The following PAK3 variants were observed in gnomAD, a reference collection of about 807,000 sequenced individuals.
The protein encoded by PAK3 is p21 (RAC1) activated kinase 3.
PAK3 carries 4 observed loss-of-function variants against 41.0 expected under a neutral mutation model. The ratio of observed to expected loss-of-function variants is 0.10; its 90% CI spans 0.05 to 0.22. PAK3 has a LOEUF of 0.22. Ranked by LOEUF, PAK3 falls within the 10% of genes least tolerant of loss-of-function variation. The pLI, the probability that PAK3 is intolerant of heterozygous loss-of-function variation, is 1.00. For missense variants in PAK3, 205 were observed against 409.9 expected (o/e 0.50, Z 4.32); for synonymous variants, 146 against 139.6 (o/e 1.05, Z -0.32).
chrX:111,125,662 G>A (rs772625848), intron 5 of PAK3, among the ~76,000 whole-genome samples: 31 of 111,554 alleles, frequency 2.8e-4, no homozygotes, highest in African/African-American at 9.1e-4. Flanking sequence ...AATCATATTG[G>A]ACAGAAACAA....
chrX:111,063,080 ATC>A (rs987028436), intron 1 of PAK3, among the ~76,000 whole-genome samples: 4 of 112,316 alleles, frequency 3.6e-5, no homozygotes, highest in African/African-American at 1.3e-4. Context: ...CCTCAAAAGA[ATC>A]TCTGTCTCCC....
At chrX:111,009,651 C>T (rs969660835) in intron 1 of PAK3, among the ~76,000 whole-genome samples, 2 of 112,399 alleles carry the variant, frequency 1.8e-5, no homozygotes, top group Non-Finnish European at 3.8e-5. Context: ...GCAGAATAAC[C>T]TTCATAGGCT....
intron 1 of PAK3, among the ~76,000 whole-genome samples, chrX:110,996,194 A>AGCC (rs1267022987): frequency 8.9e-6 from 1 of 112,427 alleles, no homozygotes; most frequent in Non-Finnish European, 1.9e-5. Context: ...CAAGGTGGAC[A>AGCC]GCCTTTGTTT....
intron 1 of PAK3, among the ~76,000 whole-genome samples, chrX:111,014,800 C>T (rs1456634940): frequency 1.8e-5 from 2 of 111,529 alleles, no homozygotes; most frequent in Non-Finnish European, 3.8e-5. Flanking sequence ...GAAATATTTG[C>T]CGGCTTCCTT....
chrX:110,970,642 T>C (rs927653136), intron 1 of PAK3, among the ~76,000 whole-genome samples: 1 of 111,346 alleles, frequency 9.0e-6, no homozygotes, highest in Non-Finnish European at 1.9e-5. Context: ...AAATACCTAA[T>C]GCATGTGGGG....
In PAK3 at chrX:111,223,306, A is replaced by G. The variant is rs781488343; in HGVS notation, c.*2859A>G. ...GTGAGAAGCACAGTAGAGATTATTT[A>G]TTTAAAAAAGGAAAGAACGTTAATG... On this transcript the variant is annotated 3_prime_UTR_variant, in exon 18 of 18. Coordinates refer to ENST00000372007, the MANE Select transcript of PAK3 (RefSeq NM_002578.5). The G allele has an allele frequency of 2.3e-4, 25 of 110,309 alleles. No homozygotes were observed. The highest frequency in any genetic ancestry group is 7.9e-4 in the African/African-American group (24 of 30,319). 9.1% of individuals were successfully genotyped at this position (110,309 alleles called of 1,213,427 possible).
At chrX:111,049,452 T>C (rs1020323450) in intron 1 of PAK3, among the ~76,000 whole-genome samples, 4 of 112,113 alleles carry the variant, frequency 3.6e-5, no homozygotes, top group Non-Finnish European at 7.5e-5. Flanking sequence ...ACACAATAAA[T>C]ATATATTGAG....
At chrX:110,986,298 T>C (rs1296355490) in intron 1 of PAK3, among the ~76,000 whole-genome samples, 1 of 111,628 alleles carries the variant, frequency 9.0e-6, no homozygotes, top group Non-Finnish European at 1.9e-5. Flanking sequence ...ACCTTAGCTA[T>C]TACAGGGCTG....
At chrX:111,144,808 T>C in intron 6 of PAK3, 1 of 688,728 alleles carries the variant, frequency 1.5e-6, no homozygotes, top group Non-Finnish European at 2.2e-6. Context: ...TGGTATTCAA[T>C]GATTATAAGT....
intron 1 of PAK3, among the ~76,000 whole-genome samples, chrX:111,011,562 A>T (rs1363282893): frequency 8.9e-6 from 1 of 112,483 alleles, no homozygotes; most frequent in African/African-American, 3.2e-5. Context: ...AGTCTTTTAA[A>T]TACTACATAT....
intron 1 of PAK3, among the ~76,000 whole-genome samples, chrX:111,011,975 A>G (rs763230863): frequency 1.8e-5 from 2 of 112,093 alleles, no homozygotes; most frequent in Non-Finnish European, 3.8e-5. Context: ...TAAACTGTAC[A>G]TCTATCGATA....
chrX:110,960,126 CT>C (rs1301064605), intron 1 of PAK3, among the ~76,000 whole-genome samples: 1 of 111,756 alleles, frequency 8.9e-6, no homozygotes, highest in Admixed American at 9.5e-5. Context: ...ACATTCTGGA[CT>C]TATGGTTCCT....
intron 1 of PAK3, among the ~76,000 whole-genome samples, chrX:110,997,332 T>C: frequency 9.0e-6 from 1 of 111,448 alleles, no homozygotes; most frequent in Non-Finnish European, 1.9e-5. Flanking sequence ...ATATATGGTA[T>C]GTTGAGAATA....
At position 111,012,815 on chromosome X, in the gene PAK3, C is replaced by T; in HGVS notation, c.-28+68187C>T. Among the ~76,000 whole-genome samples the T allele has an allele frequency of 2.7e-5, 3 of 111,952 alleles. No homozygotes were observed. In the Middle Eastern group the frequency reaches 0.014, roughly 516 times the overall value. On this transcript the variant is annotated intron_variant, in intron 1 of 14. Coordinates refer to the PAK3 transcript ENST00000425146. ...CATTTTTTTGAGACAGGGTCTTTCA[C>T]TCTGTCACCCAGGCGGGAGTGTGGT...
chrX:110,959,281 G>A (rs1008962884), intron 1 of PAK3, among the ~76,000 whole-genome samples: 1 of 111,821 alleles, frequency 8.9e-6, no homozygotes, highest in African/African-American at 3.3e-5. Flanking sequence ...TCAGAGTTTC[G>A]AGACATCTTA....
intron 11 of PAK3, among the ~76,000 whole-genome samples, chrX:111,174,221 C>T (rs963759494): frequency 1.8e-5 from 2 of 111,295 alleles, no homozygotes; most frequent in African/African-American, 3.3e-5. Flanking sequence ...CTTTGTTTTT[C>T]CCCCTAGCTT....
At chrX:111,156,908 A>G (rs1465379949) in intron 8 of PAK3, among the ~76,000 whole-genome samples, 1 of 112,094 alleles carries the variant, frequency 8.9e-6, no homozygotes, top group Non-Finnish European at 1.9e-5. Context: ...ACTGTTGAAA[A>G]TAAAATGACA....
chrX:110,956,789 A>G (rs972294507), intron 1 of PAK3, among the ~76,000 whole-genome samples: 44 of 111,622 alleles, frequency 3.9e-4, no homozygotes, highest in Non-Finnish European at 6.6e-4. Flanking sequence ...GTCAGAGAGC[A>G]CTTAGTCTCC....
chrX:111,196,694 A>G, intron 16 of PAK3, 54 bp downstream of exon 16: 1 of 902,573 alleles, frequency 1.1e-6, no homozygotes, highest in Non-Finnish European at 1.6e-6. Context: ...GAAAGGCCAA[A>G]TATCATTTCT....
Sources: allele counts gnomAD v4.1 joint callset (sites outside exome capture counted in the v4.1 genomes callset), GRCh38; gene constraint gnomAD v4.1.1; transcripts MANE v1.5; gene names NCBI Gene and HGNC (gene_info 2026-07-23, HGNC 2026-07-21).